Variants in CD55 observed in about 807,000 individuals in gnomAD.
The protein encoded by CD55 is complement decay-accelerating factor.
A neutral mutation model predicts 45.8 loss-of-function variants in CD55; 41 were observed. That is an observed-to-expected ratio of 0.90 (90% CI 0.70 to 1.16). The LOEUF (loss-of-function observed/expected upper bound fraction) is 1.16. Among genes scored for constraint, CD55 ranks in the 50% most tolerant of loss-of-function variants. The pLI, the probability that CD55 is intolerant of heterozygous loss-of-function variation, is 0.00. For missense variants in CD55, 416 were observed against 469.8 expected (o/e 0.89, Z 1.06); for synonymous variants, 181 against 181.1 (o/e 1.00, Z 0.01).
chr1:207,354,391 TA>T, intron 9 of CD55: 1 of 279,250 alleles, frequency 3.6e-6, no homozygotes, highest in Non-Finnish European at 5.4e-6. Context: ...TGTACTGTGT[TA>T]ATAATGAGAG....
chr1:207,347,961 TTTTCTTTA>T (rs1312420586), intron 9 of CD55, among the ~76,000 whole-genome samples: 1 of 152,270 alleles, frequency 6.6e-6, no homozygotes, highest in Non-Finnish European at 1.5e-5. Context: ...ATATACCACA[TTTTCTTTA>T]TCCAGTTCAC....
chr1:207,346,126 G>A (rs1409997550), intron 9 of CD55, among the ~76,000 whole-genome samples: 9 of 152,266 alleles, frequency 5.9e-5, no homozygotes, highest in Non-Finnish European at 1.3e-4. Flanking sequence ...ATGGGTGATG[G>A]CAGTAGTAGT....
rs1426068529 is a variant in CD55, at chr1:207,322,630, A to G, written c.286+63A>G. 5.1e-6 allele frequency: 7 copies of G among 1,374,110 alleles called. No individual in the cohort carries two copies. In the Admixed American group the frequency reaches 6.4e-5, roughly 13 times the overall value. 85.1% of individuals were successfully genotyped at this position (1,374,110 alleles called of 1,614,324 possible). On this transcript the variant is annotated intron_variant, in intron 2 of 9. Transcript: ENST00000367064. ...GAATGTATCTTAAATTTATTTTTAT[A>G]TACCTTTGGAGTGACTAGTAATTGA...
chr1:207,348,174 C>T (rs529553316), intron 9 of CD55, among the ~76,000 whole-genome samples: 355 of 152,318 alleles, frequency 2.3e-3, no homozygotes, highest in Non-Finnish European at 3.6e-3. Flanking sequence ...GAACTAATTA[C>T]ATTCCCACCA....
rs774258898 is a variant in CD55, at chr1:207,336,799, C to G, written c.960C>G (p.Thr320=). The change falls in exon 7 of 10, where the codon ACC becomes ACG. Residue 320 remains threonine (T), a synonymous_variant. Coordinates refer to ENST00000367064, the MANE Select transcript of CD55 (RefSeq NM_000574.5). ...CTTCTCAGAAAACCACCACAAAAAC[C>G]ACCACACCAAATGCTCAAGGTACAG... is the stretch of plus-strand genomic sequence containing the variant. The part of the protein sequence containing the change: ...SPTSQKTTTK[T]TTPNAQATRS... 6.8e-6 allele frequency: 11 copies of G among 1,613,766 alleles called. No individual in the cohort carries two copies. The highest frequency in any genetic ancestry group is 1.6e-4 in the Middle Eastern group (1 of 6,062).
intron 9 of CD55, among the ~76,000 whole-genome samples, chr1:207,351,079 T>G (rs1049916757): frequency 6.6e-6 from 1 of 152,242 alleles, no homozygotes. Flanking sequence ...AAAGAATTTC[T>G]TGATTTCTGC....
At chr1:207,329,037 C>T (rs1654813746) in intron 5 of CD55, among the ~76,000 whole-genome samples, 1 of 152,202 alleles carries the variant, frequency 6.6e-6, no homozygotes, top group African/African-American at 2.4e-5. Context: ...TATCCACCCT[C>T]CATTGTCTGT....
chr1:207,359,400 T>C, intron 9 of CD55, 146 bp from the exon 10 acceptor site: 1 of 691,416 alleles, frequency 1.4e-6, no homozygotes, highest in East Asian at 2.9e-5. Context: ...CATATTCTAT[T>C]ACTCATTATT....
intron 9 of CD55, among the ~76,000 whole-genome samples, chr1:207,350,875 T>G (rs774535055): frequency 3.3e-5 from 5 of 152,268 alleles, no homozygotes; most frequent in Admixed American, 1.3e-4. Context: ...TTGGTTATTT[T>G]TTTTCTTCTG....
intron 9 of CD55, among the ~76,000 whole-genome samples, chr1:207,343,169 A>G (rs973647952): frequency 1.3e-5 from 2 of 151,414 alleles, no homozygotes; most frequent in Non-Finnish European, 3.0e-5. Context: ...TTTAGTCTCT[A>G]TTTTGTTTAG....
chr1:207,331,847 A>C (rs1276298483), intron 6 of CD55, among the ~76,000 whole-genome samples: 2 of 152,166 alleles, frequency 1.3e-5, no homozygotes, highest in Non-Finnish European at 2.9e-5. Context: ...AATCCTTCGA[A>C]CTGCTTTTTA....
intron 5 of CD55, 71 bp downstream of exon 5, chr1:207,326,908 T>A: frequency 9.3e-7 from 1 of 1,073,980 alleles, no homozygotes; most frequent in Non-Finnish European, 1.4e-6. Context: ...TTTCTGCCCC[T>A]TAAGAATATT....
rs1479305878 is a variant in CD55, at chr1:207,360,950, CT to C, written c.*1347del. ...TTAATGTGTATTTCTTAAAATAAAA[CT>C]TTTTTTCCTCCTTAACCACAGTTAT... On this transcript the variant is annotated 3_prime_UTR_variant, in exon 10 of 10. Coordinates refer to ENST00000367064, the MANE Select transcript of CD55 (RefSeq NM_000574.5). 1.3e-5 allele frequency: 2 copies of C among 152,042 alleles called. No individual in the cohort carries two copies. Among genetic ancestry groups the C allele is most frequent in the Non-Finnish European group, 2.9e-5 (2 of 67,992 alleles). 9.4% of individuals were successfully genotyped at this position (152,042 alleles called of 1,614,324 possible).
At chr1:207,322,190 A>G (rs545917837) in intron 1 of CD55, 192 bp from the exon 2 acceptor site, 5 of 717,374 alleles carry the variant, frequency 7.0e-6, no homozygotes, top group South Asian at 4.5e-5. Context: ...AAGCTGGTCT[A>G]AAAGGATGGG....
rs1270439700 is a variant in CD55, at chr1:207,329,798, GAC to G, written c.665-1308_665-1307del. Among the ~76,000 whole-genome samples, 5 of 152,058 alleles carry G rather than the reference GAC, an allele frequency of 3.3e-5. No homozygotes were observed. The South Asian group carries it at 1.0e-3, about 32-fold the overall frequency. On this transcript the variant is annotated intron_variant, in intron 5 of 9. Transcript: ENST00000367064. ...AGCTAATTTATGTATTTTTTGCATA[GAC>G]AGGGCTTCCTCATGTTGTCCAGGCT...
At position 207,359,667 on chromosome 1, in the gene CD55, T is replaced by C. The variant is rs751998623; in HGVS notation, c.*57T>C. 5 of 1,542,334 alleles carry C rather than the reference T, an allele frequency of 3.2e-6. No individual in the cohort carries two copies. Among genetic ancestry groups the C allele is most frequent in the Non-Finnish European group, 4.3e-6 (5 of 1,152,030 alleles). On this transcript the variant is annotated 3_prime_UTR_variant, in exon 10 of 10. Transcript: ENST00000367064. ...AGTATACAGACTGTTCCTAGTTTCT[T>C]AGACTTATCTGCATATTGGATAAAA... is the stretch of plus-strand genomic sequence containing the variant.
rs376950935 is a variant in CD55, at chr1:207,334,291, A to G, written c.854-2402A>G. 9.8e-5 allele frequency among the ~76,000 whole-genome samples: 15 copies of G among 152,314 alleles called. 1 individual carries two copies. The highest frequency in any genetic ancestry group is 4.6e-4 in the Admixed American group (7 of 15,298). On this transcript the variant is annotated intron_variant, in intron 6 of 9. Transcript: ENST00000367064. ...CTAGAATTTTATACCCAGTTAATAT[A>G]TCCTTCAAAACTGAATGCAAAATAG...
chr1:207,333,354 C>T (rs567198247), intron 6 of CD55, among the ~76,000 whole-genome samples: 14 of 152,256 alleles, frequency 9.2e-5, no homozygotes, highest in African/African-American at 3.1e-4. Context: ...GTCAGAAGCC[C>T]GGAAGGGCCA....
chr1:207,360,795 A>G lies in CD55; in HGVS notation c.*1185A>G, dbSNP rs563621356. On this transcript the variant is annotated 3_prime_UTR_variant, in exon 10 of 10. Transcript: ENST00000367064. ...TACATTTTAAGTGTTAGACTAGACT[A>G]AGATGTACTAGTTGTATAGAATATA... 50 of 152,298 alleles carry G rather than the reference A, an allele frequency of 3.3e-4. No individual in the cohort carries two copies. Among genetic ancestry groups the G allele is most frequent in the Middle Eastern group, 6.8e-3 (2 of 294 alleles). 9.4% of individuals were successfully genotyped at this position (152,298 alleles called of 1,614,324 possible).
Sources: gnomAD v4.1 joint callset for allele counts (sites outside exome capture counted in the v4.1 genomes callset) on GRCh38, gnomAD v4.1.1 for gene constraint, MANE v1.5 for transcripts, NCBI Gene and HGNC (gene_info 2026-07-23, HGNC 2026-07-21) for gene names.